The following ZBBX variants were observed in gnomAD, a reference collection of about 807,000 sequenced individuals.
ZBBX encodes the protein zinc finger B-box domain containing, also known as zinc finger B-box domain-containing protein 1.
ZBBX carries 101 observed loss-of-function variants against 108.5 expected under a neutral mutation model. That is an observed-to-expected ratio of 0.93 (90% confidence interval 0.79 to 1.10). The LOEUF (loss-of-function observed/expected upper bound fraction) is 1.10, where lower values mean the gene tolerates loss of function less well. ZBBX is among the 50% of genes least tolerant of loss of function. The probability of loss-of-function intolerance (pLI) is 0.00; values close to 1 mark genes in which losing one functional copy is unlikely to be tolerated. For missense variants in ZBBX, 1,009 were observed against 941.4 expected (o/e 1.07, Z -0.94); for synonymous variants, 356 against 323.4 (o/e 1.10, Z -1.08).
intron 16 of ZBBX, among the ~76,000 whole-genome samples, chr3:167,309,065 C>T (rs527954565): frequency 2.6e-5 from 4 of 152,266 alleles, no homozygotes; most frequent in African/African-American, 9.6e-5. Flanking sequence ...GTTGCCACCC[C>T]TTTTCCAGAA....
the ZBBX span, among the ~76,000 whole-genome samples, chr3:167,195,655 T>C: frequency 6.6e-6 from 1 of 152,158 alleles, no homozygotes; most frequent in Admixed American, 6.5e-5. Flanking sequence ...GGGGATTTCT[T>C]TGAGAACAAA....
At chr3:167,280,992 A>C (rs568617166) in intron 20 of ZBBX, among the ~76,000 whole-genome samples, 2,297 of 152,306 alleles carry the variant, frequency 0.015, 53 homozygotes, top group African/African-American at 0.052. Context: ...TTCTCAGTAA[A>C]CTATTGCAAG....
At chr3:167,331,476 A>C in intron 10 of ZBBX, 1 of 803,608 alleles carries the variant, frequency 1.2e-6, no homozygotes, top group Non-Finnish European at 1.5e-6. Context: ...ACATGCAGCA[A>C]TTTCAGCAGC....
At chr3:167,364,439 C>A (rs1364237237) in intron 6 of ZBBX, among the ~76,000 whole-genome samples, 1 of 151,970 alleles carries the variant, frequency 6.6e-6, no homozygotes, top group Non-Finnish European at 1.5e-5. Context: ...GATTTTACTT[C>A]GCCATTCTTT....
chr3:167,179,012 G>T, the ZBBX span, among the ~76,000 whole-genome samples: 2 of 152,060 alleles, frequency 1.3e-5, no homozygotes, highest in Non-Finnish European at 2.9e-5. Context: ...CATAGAGAGA[G>T]CTTGGCTAGT....
the ZBBX span, among the ~76,000 whole-genome samples, chr3:167,197,370 C>A: frequency 6.6e-6 from 1 of 152,002 alleles, no homozygotes; most frequent in East Asian, 1.9e-4. Flanking sequence ...AACCCCATCT[C>A]TACTAAAAAT....
chr3:167,196,409 AATCATTTT>A, the ZBBX span, among the ~76,000 whole-genome samples: 2 of 152,216 alleles, frequency 1.3e-5, no homozygotes, highest in Non-Finnish European at 2.9e-5. Flanking sequence ...AAAACATACC[AATCATTTT>A]ATTGGCATTA....
intron 1 of ZBBX, among the ~76,000 whole-genome samples, chr3:167,389,407 T>G (rs1006650194): frequency 2.0e-5 from 3 of 152,170 alleles, no homozygotes; most frequent in African/African-American, 7.2e-5. Flanking sequence ...GTTCCAAATC[T>G]TTGCTATTGT....
chr3:167,267,870 C>A (rs972322995), intron 20 of ZBBX, among the ~76,000 whole-genome samples: 1 of 152,016 alleles, frequency 6.6e-6, no homozygotes, highest in Admixed American at 6.6e-5. Flanking sequence ...CACCTTCCCC[C>A]ACTCATTGCC....
chr3:167,404,311 C>T (rs13087204), intron 1 of ZBBX, among the ~76,000 whole-genome samples: 5 of 151,988 alleles, frequency 3.3e-5, no homozygotes, highest in South Asian at 2.1e-4. Context: ...AAAAAATAAG[C>T]GAATCTACAG....
At chr3:167,368,424 G>C (rs780656174) in intron 5 of ZBBX, 37 bp downstream of exon 5, 2 of 1,405,606 alleles carry the variant, frequency 1.4e-6, no homozygotes, top group African/African-American at 1.4e-5. Flanking sequence ...ATATAATTTA[G>C]TTGATTCATC....
intron 2 of ZBBX, among the ~76,000 whole-genome samples, chr3:167,376,183 T>C (rs1206148577): frequency 6.6e-6 from 1 of 152,180 alleles, no homozygotes; most frequent in East Asian, 1.9e-4. Context: ...CAAACTAAGA[T>C]TTGGTTTGCT....
At chr3:167,258,517 A>G (rs574239521) in intron 20 of ZBBX, among the ~76,000 whole-genome samples, 94 of 150,868 alleles carry the variant, frequency 6.2e-4, no homozygotes, top group African/African-American at 2.3e-3. Flanking sequence ...TTGTCTTATT[A>G]CTCTGGCTAG....
chr3:167,242,581 G>T lies in ZBBX; in HGVS notation c.2317C>A (p.Leu773Met). ...TCTGTGGAAATCTGACTTATATTCA[G>T]TGATTGGCTGCTGAAATCTGGGAAC... ...EEFPDFSSQS[L>M]NISQISTDFL... The change falls in exon 21 of 22, where the codon CTG (leucine) becomes ATG (methionine). Residue 773 changes from leucine (L) to methionine (M), a missense_variant. Leu to Met is a conservative substitution (Grantham distance 15, BLOSUM62 2). Coordinates refer to ENST00000675490, the MANE Select transcript of ZBBX (RefSeq NM_001199201.2). 1 of 1,613,728 alleles carries T rather than the reference G, an allele frequency of 6.2e-7. No homozygotes were observed.
chr3:167,313,674 A>T (rs767944665), intron 16 of ZBBX, among the ~76,000 whole-genome samples: 1 of 152,176 alleles, frequency 6.6e-6, no homozygotes, highest in Non-Finnish European at 1.5e-5. Flanking sequence ...TGAGAGCAAG[A>T]GGGTGCCAGT....
At chr3:167,249,182 G>T (rs538558413) in intron 20 of ZBBX, among the ~76,000 whole-genome samples, 1 of 152,246 alleles carries the variant, frequency 6.6e-6, no homozygotes, top group South Asian at 2.1e-4. Flanking sequence ...AGGAAAGAGT[G>T]GCTTGGCCTC....
intron 8 of ZBBX, among the ~76,000 whole-genome samples, chr3:167,356,460 G>T (rs1438541678): frequency 6.6e-6 from 1 of 152,048 alleles, no homozygotes; most frequent in African/African-American, 2.4e-5. Context: ...AGTCAGAAAT[G>T]ATTATGGCTA....
chr3:167,319,993 T>C (rs567940843), intron 12 of ZBBX, among the ~76,000 whole-genome samples: 3 of 151,822 alleles, frequency 2.0e-5, no homozygotes, highest in South Asian at 4.1e-4. Flanking sequence ...TATATGTGTG[T>C]ATGTGGATTT....
rs190578464 is a variant in ZBBX, at chr3:167,333,861, G to A, written c.653C>T (p.Pro218Leu). The stretch of plus-strand genomic sequence containing the variant: ...GCTCCTCTGGAGAAGTACAGATTTG[G>A]GTTTATGTTGAATTTTACTGGTTTC... ...TKETSKIQHK[P>L]KSVLLQRSSS... The change falls in exon 10 of 22, where the codon CCC becomes CTC. Residue 218 changes from proline to leucine, a missense_variant. By Grantham distance (98) the Pro-to-Leu change is moderately conservative (BLOSUM62 -3). Coordinates refer to ENST00000675490, the MANE Select transcript of ZBBX (RefSeq NM_001199201.2). The A allele has an allele frequency of 1.2e-4, 191 of 1,610,892 alleles. No individual in the cohort carries two copies. The African/African-American group carries it at 2.3e-3, about 20-fold the overall frequency.
Sources: allele counts gnomAD v4.1 joint callset (sites outside exome capture counted in the v4.1 genomes callset), GRCh38; gene constraint gnomAD v4.1.1; transcripts MANE v1.5; gene names NCBI Gene and HGNC (gene_info 2026-07-23, HGNC 2026-07-21).